The following MGAT4C variants were observed in gnomAD, a reference collection of about 807,000 sequenced individuals.
The protein encoded by MGAT4C is alpha-1,3-mannosyl-glycoprotein 4-beta-N-acetylglucosaminyltransferase C.
Under a neutral mutation model 40.1 loss-of-function variants are expected in MGAT4C, and 19 were observed. The ratio of observed to expected loss-of-function variants is 0.47; its 90% CI spans 0.33 to 0.70. The LOEUF (loss-of-function observed/expected upper bound fraction) is 0.70. MGAT4C is among the 30% of genes least tolerant of loss of function. MGAT4C has a pLI of 0.02. For synonymous variants in MGAT4C, 181 were observed against 187.1 expected (o/e 0.97, Z 0.27); for missense variants, 491 against 563.2 (o/e 0.87, Z 1.30).
At chr12:86,357,163 C>G (rs193029248) in intron 3 of MGAT4C, among the ~76,000 whole-genome samples, 36 of 152,286 alleles carry the variant, frequency 2.4e-4, no homozygotes, top group African/African-American at 8.7e-4. Context: ...TGCTGTCCTG[C>G]AATATTTGCT....
intron 1 of MGAT4C, among the ~76,000 whole-genome samples, chr12:86,148,376 T>C (rs1883834927): frequency 6.6e-6 from 1 of 152,226 alleles, no homozygotes; most frequent in African/African-American, 2.4e-5. Context: ...CATAATTTCT[T>C]GAAACAAATT....
chr12:86,167,978 G>A (rs1027656092), intron 1 of MGAT4C, among the ~76,000 whole-genome samples: 1 of 152,134 alleles, frequency 6.6e-6, no homozygotes, highest in African/African-American at 2.4e-5. Context: ...ACACAACCTA[G>A]CTCAAGTATG....
chr12:85,990,602 G>C (rs887962590), intron 2 of MGAT4C, among the ~76,000 whole-genome samples: 1 of 152,044 alleles, frequency 6.6e-6, no homozygotes, highest in Admixed American at 6.5e-5. Flanking sequence ...TAATGCAAGG[G>C]AGAATTTGTG....
intron 2 of MGAT4C, among the ~76,000 whole-genome samples, chr12:86,589,750 A>G (rs1284123336): frequency 6.6e-6 from 1 of 152,034 alleles, no homozygotes; most frequent in Non-Finnish European, 1.5e-5. Flanking sequence ...CTGGTTCAAT[A>G]TACGCAAATC....
At chr12:86,752,889 C>A (rs1951247176) in intron 1 of MGAT4C, among the ~76,000 whole-genome samples, 3 of 152,054 alleles carry the variant, frequency 2.0e-5, no homozygotes, top group African/African-American at 7.2e-5. Flanking sequence ...TCTCACCATA[C>A]ACAAAAATTT....
chr12:86,792,765 C>T (rs1473281124), intron 1 of MGAT4C, among the ~76,000 whole-genome samples: 1 of 151,962 alleles, frequency 6.6e-6, no homozygotes, highest in African/African-American at 2.4e-5. Context: ...AACCCCATTT[C>T]CACTAAAAAT....
rs12318319 is a variant in MGAT4C at position 86,536,467 on chromosome 12, A to G, written c.-228-101202T>C. 8.2e-3 allele frequency among the ~76,000 whole-genome samples: 1,256 copies of G among 152,296 alleles called. 24 individuals carry two copies. Among genetic ancestry groups the G allele is most frequent in the African/African-American group, 0.029 (1,205 of 41,564 alleles). ...AAGAGATATGATAATTTAAAACTTT[A>G]CTAAACTTAAAATGAGTCTTCAGTT... On this transcript the variant is annotated intron_variant, in intron 2 of 7. Transcript: ENST00000548651.
chr12:86,133,307 T>C (rs140119004), intron 1 of MGAT4C, among the ~76,000 whole-genome samples: 2 of 152,356 alleles, frequency 1.3e-5, no homozygotes, highest in East Asian at 3.9e-4. Context: ...AGCATTGCAG[T>C]AGCCTGCCAC....
At chr12:86,331,190 A>G (rs1352430852) in intron 4 of MGAT4C, among the ~76,000 whole-genome samples, 2 of 152,148 alleles carry the variant, frequency 1.3e-5, no homozygotes, top group East Asian at 3.9e-4. Flanking sequence ...TCAAGTGTGA[A>G]GCTTGAGCTT....
rs1277569997 is a variant in MGAT4C, at chr12:85,963,312, A to G, written c.*15977T>C. 1.3e-5 allele frequency: 2 copies of G among 151,962 alleles called. No homozygotes were observed. The highest frequency in any genetic ancestry group is 4.8e-5 in the African/African-American group (2 of 41,434). 9.4% of individuals were successfully genotyped at this position (151,962 alleles called of 1,614,324 possible). On this transcript the variant is annotated 3_prime_UTR_variant, in exon 5 of 5. Transcript: ENST00000611864. ...AATAAATACAACATTTTTATGTAGAAATATATTCTTGAAATGTAACTAGCA... is the reference window on the plus strand; with the variant it reads ...AATAAATACAACATTTTTATGTAGAGATATATTCTTGAAATGTAACTAGCA...
rs531095520 is a variant in MGAT4C at position 86,072,943 on chromosome 12, C to T, written c.-56-23220G>A. Among the ~76,000 whole-genome samples the T allele has an allele frequency of 3.3e-4, 50 of 152,136 alleles. No homozygotes were observed. In the South Asian group the frequency reaches 7.7e-3, roughly 23 times the overall value. ...AACAGTATTGTGATTTTGGAACACACGAGAGGACTAGGAGTTACATTTCTA... is the reference window on the plus strand; with the variant it reads ...AACAGTATTGTGATTTTGGAACACATGAGAGGACTAGGAGTTACATTTCTA... On this transcript the variant is annotated intron_variant, in intron 1 of 4. Coordinates refer to ENST00000611864, the MANE Select transcript of MGAT4C (RefSeq NM_001351288.2).
chr12:86,027,511 A>G (rs538537039), intron 2 of MGAT4C, among the ~76,000 whole-genome samples: 27 of 152,066 alleles, frequency 1.8e-4, no homozygotes, highest in African/African-American at 5.3e-4. Flanking sequence ...TTTATTTTAA[A>G]ATACACATGG....
chr12:86,320,522 C>A (rs1036849522), intron 4 of MGAT4C, among the ~76,000 whole-genome samples: 2 of 151,990 alleles, frequency 1.3e-5, no homozygotes, highest in South Asian at 2.1e-4. Flanking sequence ...TTGCCATGTA[C>A]CAAAAACTGT....
intron 1 of MGAT4C, among the ~76,000 whole-genome samples, chr12:86,145,616 G>T (rs1883410128): frequency 6.6e-6 from 1 of 152,094 alleles, no homozygotes; most frequent in Admixed American, 6.6e-5. Context: ...TCTCATGTCA[G>T]GAAATTAAAT....
At chr12:86,369,072 T>C (rs934075557) in intron 3 of MGAT4C, among the ~76,000 whole-genome samples, 2 of 152,058 alleles carry the variant, frequency 1.3e-5, no homozygotes, top group African/African-American at 2.4e-5. Flanking sequence ...ATATTTAGAA[T>C]ATTATACATT....
chr12:86,250,069 TTTAAATAA>T (rs2136071956), intron 1 of MGAT4C, among the ~76,000 whole-genome samples: 1 of 152,230 alleles, frequency 6.6e-6, no homozygotes, highest in African/African-American at 2.4e-5. Flanking sequence ...GTGGCTGAGC[TTTAAATAA>T]TTTGTAGAAT....
At chr12:86,051,727 A>G (rs1387744464) in intron 1 of MGAT4C, among the ~76,000 whole-genome samples, 1 of 151,298 alleles carries the variant, frequency 6.6e-6, no homozygotes, top group African/African-American at 2.4e-5. Flanking sequence ...AATGTGAATA[A>G]TAGAATTGTA....
chr12:86,601,747 AGTG>A (rs946917244), intron 2 of MGAT4C, among the ~76,000 whole-genome samples: 1 of 152,106 alleles, frequency 6.6e-6, no homozygotes, highest in African/African-American at 2.4e-5. Flanking sequence ...ACCGGGAAGA[AGTG>A]GTGGGGCCGG....
chr12:86,429,870 C>A (rs1240688013), intron 3 of MGAT4C, among the ~76,000 whole-genome samples: 1 of 152,052 alleles, frequency 6.6e-6, no homozygotes, highest in Non-Finnish European at 1.5e-5. Flanking sequence ...CGTTTTCTGG[C>A]CTTTATTATT....
Sources: allele counts gnomAD v4.1 joint callset (sites outside exome capture counted in the v4.1 genomes callset), GRCh38; gene constraint gnomAD v4.1.1; transcripts MANE v1.5; gene names NCBI Gene and HGNC (gene_info 2026-07-23, HGNC 2026-07-21).